The following PRKCZ variants were observed in gnomAD, a reference collection of about 807,000 sequenced individuals.
PRKCZ encodes protein kinase C zeta, also known as protein kinase C zeta type.
Under a neutral mutation model 79.5 loss-of-function variants are expected in PRKCZ, and 33 were observed. The ratio of observed to expected loss-of-function variants is 0.41; its 90% CI spans 0.31 to 0.55. The LOEUF is 0.55. PRKCZ is among the 20% of genes least tolerant of loss of function. PRKCZ has a pLI of 0.19. For synonymous variants in PRKCZ, 342 were observed against 320.9 expected, an observed-to-expected ratio of 1.07 and a Z score of -0.70; for missense variants, 578 against 813.5, an observed-to-expected ratio of 0.71 and a Z score of 3.52.
rs28847605 is a variant in PRKCZ at position 2,078,627 on chromosome 1, C to T, written c.334+19036C>T. Among the ~76,000 whole-genome samples the T allele has an allele frequency of 5.3e-3, 807 of 152,164 alleles. 16 individuals are homozygous for T. The highest frequency in any genetic ancestry group is 0.018 in the African/African-American group (726 of 41,484). On this transcript the variant is annotated intron_variant, in intron 4 of 17. Transcript: ENST00000378567. The stretch of plus-strand genomic sequence containing the variant: ...TACACCCAGTTATTTATCACATGGC[C>T]GACTCCCCGTCTCTGACTCTCTTTT...
chr1:2,114,677 G>A (rs371015282), intron 4 of PRKCZ, among the ~76,000 whole-genome samples: 19 of 152,290 alleles, frequency 1.2e-4, no homozygotes, highest in African/African-American at 3.8e-4. Context: ...GGGAGGCTGA[G>A]GCAGGAGAAT....
chr1:2,074,023 A>T (rs1455170490), intron 4 of PRKCZ: 1 of 1,434,250 alleles, frequency 7.0e-7, no homozygotes, highest in African/African-American at 1.4e-5. Flanking sequence ...ACGGTGCCCG[A>T]GTCAGCATTT....
intron 1 of PRKCZ, among the ~76,000 whole-genome samples, chr1:2,052,034 T>C (rs1050389720): frequency 6.6e-6 from 1 of 152,072 alleles, no homozygotes; most frequent in Admixed American, 6.5e-5. Flanking sequence ...AGGTTAAAAC[T>C]TGGTATGGTT....
chr1:2,050,204 G>C (rs1459461118), upstream of PRKCZ: 1 of 151,744 alleles, frequency 6.6e-6, no homozygotes, highest in African/African-American at 2.4e-5. Flanking sequence ...GGTCCCATTG[G>C]CGCAGGTGCG....
At chr1:2,164,286 G>T (rs139144895) in intron 10 of PRKCZ, among the ~76,000 whole-genome samples, 2 of 138,110 alleles carry the variant, frequency 1.4e-5, no homozygotes, top group Non-Finnish European at 3.2e-5. Context: ...GCCAGGGAGC[G>T]TAAAGAGAGA....
chr1:2,112,132 C>T (rs950307251), intron 4 of PRKCZ, among the ~76,000 whole-genome samples: 1 of 152,234 alleles, frequency 6.6e-6, no homozygotes, highest in African/African-American at 2.4e-5. Flanking sequence ...AGCTTTTCCC[C>T]TCTCCTTCCT....
At chr1:2,155,273 G>A (rs1680740200) in intron 9 of PRKCZ, among the ~76,000 whole-genome samples, 1 of 147,298 alleles carries the variant, frequency 6.8e-6, no homozygotes, top group African/African-American at 2.6e-5. Context: ...GGATGACGGT[G>A]GTGGTGATGA....
At chr1:2,102,156 G>A (rs531281800) in intron 4 of PRKCZ, among the ~76,000 whole-genome samples, 6 of 152,236 alleles carry the variant, frequency 3.9e-5, no homozygotes, top group African/African-American at 7.2e-5. Context: ...ATGCCAGAGC[G>A]GGTAGGCAGC....
chr1:2,156,207 A>G, intron 10 of PRKCZ, 115 bp downstream of exon 10: 2 of 990,426 alleles, frequency 2.0e-6, no homozygotes, highest in East Asian at 5.2e-5. Context: ...CAGTTGCTGT[A>G]CGGGTGTTTT....
intron 5 of PRKCZ, among the ~76,000 whole-genome samples, chr1:2,139,102 A>G (rs1484284120): frequency 6.6e-6 from 1 of 152,250 alleles, no homozygotes; most frequent in Non-Finnish European, 1.5e-5. Flanking sequence ...GAAGAGATCC[A>G]GACATCTCAC....
At chr1:2,074,588 C>T (rs933179313) in intron 4 of PRKCZ, 3 of 502,744 alleles carry the variant, frequency 6.0e-6, no homozygotes, top group African/African-American at 3.9e-5. Context: ...GGCCTGCGGT[C>T]TTTCCGTCTC....
chr1:2,106,006 G>A (rs1668340591), intron 4 of PRKCZ, among the ~76,000 whole-genome samples: 1 of 152,234 alleles, frequency 6.6e-6, no homozygotes. Context: ...CTGTGTGGGA[G>A]GTGCCACCTC....
rs1010290132 is a variant in PRKCZ at position 2,082,278 on chromosome 1, T to A, written c.334+22687T>A. On this transcript the variant is annotated intron_variant, in intron 4 of 17. Coordinates refer to ENST00000378567, the MANE Select transcript of PRKCZ (RefSeq NM_002744.6). This position sits in a 1 kb window ranked among gnomAD's most constrained non-coding sequence, Gnocchi z 4.4. ...GCAAGAGGGAGGCTCCGTGGCACGA[T>A]CACACGTGCAGGAGCTGGGGGCTGC... The A allele has an allele frequency of 4.7e-6, 2 of 427,776 alleles. No homozygotes were observed. Among genetic ancestry groups the A allele is most frequent in the Non-Finnish European group, 9.4e-6 (2 of 213,168 alleles). 26.5% of individuals were successfully genotyped at this position (427,776 alleles called of 1,614,324 possible).
intron 4 of PRKCZ, among the ~76,000 whole-genome samples, chr1:2,115,701 C>T (rs997639095): frequency 6.6e-6 from 1 of 152,132 alleles, no homozygotes; most frequent in Admixed American, 6.5e-5. Context: ...TAGAATAGCT[C>T]CCGGAACTCA....
In PRKCZ at chr1:2,165,064, C is replaced by T. The variant is rs1683067858; in HGVS notation, c.975-4454C>T. On this transcript the variant is annotated intron_variant, in intron 10 of 17. Transcript: ENST00000378567. This position sits in a 1 kb window ranked among gnomAD's most constrained non-coding sequence, Gnocchi z 4.1. ...TGCCCTCCAGTGCTCGAGTGCATTT[C>T]CTGGGCACTTTCTGGCCTTTTATCT... 6.6e-6 allele frequency among the ~76,000 whole-genome samples: 1 copy of T among 152,208 alleles called. No homozygotes were observed. Among genetic ancestry groups the T allele is most frequent in the Non-Finnish European group, 1.5e-5 (1 of 68,038 alleles).
At chr1:2,102,545 G>T (rs775164662) in intron 4 of PRKCZ, among the ~76,000 whole-genome samples, 3 of 152,006 alleles carry the variant, frequency 2.0e-5, no homozygotes, top group South Asian at 2.1e-4. Context: ...TGTTAGCCGG[G>T]ATGGTCTCGA....
chr1:2,087,945 G>A (rs1194933617), intron 4 of PRKCZ, among the ~76,000 whole-genome samples: 2 of 152,248 alleles, frequency 1.3e-5, no homozygotes, highest in Non-Finnish European at 2.9e-5. Flanking sequence ...TGGGAACGCT[G>A]GGACGGCGTG....
chr1:2,131,894 C>T (rs1404511080), intron 4 of PRKCZ, among the ~76,000 whole-genome samples: 1 of 152,246 alleles, frequency 6.6e-6, no homozygotes, highest in Non-Finnish European at 1.5e-5. Flanking sequence ...TCACTGCAAG[C>T]TCCACCTCCC....
At chr1:2,102,463 G>T (rs561581094) in intron 4 of PRKCZ, among the ~76,000 whole-genome samples, 76 of 151,952 alleles carry the variant, frequency 5.0e-4, no homozygotes, top group Admixed American at 1.6e-3. Context: ...CTCCCGAGTA[G>T]CTGGGAGTAC....
Sources: allele counts gnomAD v4.1 joint callset (sites outside exome capture counted in the v4.1 genomes callset), GRCh38; gene constraint gnomAD v4.1.1; non-coding constraint Gnocchi (gnomAD v3.1); transcripts MANE v1.5; gene names NCBI Gene and HGNC (gene_info 2026-07-23, HGNC 2026-07-21).